Variants in RGL1 observed in about 807,000 individuals in gnomAD.
The protein encoded by RGL1 is ral guanine nucleotide dissociation stimulator like 1.
A neutral mutation model predicts 95.2 loss-of-function variants in RGL1; 24 were observed. That is an observed-to-expected ratio of 0.25 (90% confidence interval 0.18 to 0.35). The LOEUF (loss-of-function observed/expected upper bound fraction) is 0.35. RGL1 is among the 10% of genes least tolerant of loss of function. The pLI, the probability that RGL1 is intolerant of heterozygous loss-of-function variation, is 1.00. For missense variants in RGL1, 715 were observed against 936.3 expected, an observed-to-expected ratio of 0.76 and a Z score of 3.08; for synonymous variants, 329 against 344.9, an observed-to-expected ratio of 0.95 and a Z score of 0.51.
intron 1 of RGL1, among the ~76,000 whole-genome samples, chr1:183,685,276 T>C (rs1022401966): frequency 2.0e-5 from 3 of 152,200 alleles, no homozygotes; most frequent in Non-Finnish European, 4.4e-5. Flanking sequence ...GCAGCCTGGT[T>C]ATGAATAGGA....
intron 2 of RGL1, among the ~76,000 whole-genome samples, chr1:183,820,467 G>T (rs1339538789): frequency 6.6e-6 from 1 of 152,122 alleles, no homozygotes; most frequent in Non-Finnish European, 1.5e-5. Flanking sequence ...TGTGGGGCTT[G>T]CATGAGGACC....
chr1:183,853,631 C>T (rs866842380), intron 3 of RGL1, among the ~76,000 whole-genome samples: 49 of 152,280 alleles, frequency 3.2e-4, no homozygotes, highest in African/African-American at 1.1e-3. Flanking sequence ...CCCATGTTTG[C>T]TTGCCATGTG....
chr1:183,842,665 G>A (rs772989954), intron 2 of RGL1, among the ~76,000 whole-genome samples: 4 of 152,136 alleles, frequency 2.6e-5, no homozygotes, highest in Non-Finnish European at 4.4e-5. Flanking sequence ...GTAAAGCGAC[G>A]GTCTATGATT....
chr1:183,656,912 A>T (rs1242753845), intron 1 of RGL1, among the ~76,000 whole-genome samples: 1 of 151,654 alleles, frequency 6.6e-6, no homozygotes, highest in Non-Finnish European at 1.5e-5. Context: ...TCTAATTATT[A>T]TGCTCTAGCC....
chr1:183,820,410 C>G lies in RGL1; in HGVS notation c.138+13925C>G, dbSNP rs538482711. Among the ~76,000 whole-genome samples the G allele has an allele frequency of 7.8e-4, 118 of 152,250 alleles. 2 individuals are homozygous for G. The highest frequency in any genetic ancestry group is 3.4e-3 in the Middle Eastern group (1 of 294). Reference sequence around the variant, plus strand: ...TGCTTATTTATTGGTTAATGAGCCTCATTTCTGTTTTTTACCCCCACGAAA... The same window carrying G: ...TGCTTATTTATTGGTTAATGAGCCTGATTTCTGTTTTTTACCCCCACGAAA... On this transcript the variant is annotated intron_variant, in intron 2 of 17. Coordinates refer to ENST00000360851, the MANE Select transcript of RGL1 (RefSeq NM_001297671.3).
chr1:183,886,924 G>A (rs1213902682), intron 7 of RGL1, among the ~76,000 whole-genome samples: 1 of 151,918 alleles, frequency 6.6e-6, no homozygotes, highest in African/African-American at 2.4e-5. Context: ...TTCTAGAAAT[G>A]GGACCAGATG....
At chr1:183,691,793 A>C (rs1442794620) in intron 1 of RGL1, among the ~76,000 whole-genome samples, 1 of 152,150 alleles carries the variant, frequency 6.6e-6, no homozygotes, top group Non-Finnish European at 1.5e-5. Context: ...TTTTTGATTT[A>C]TAAACCTGAA....
intron 13 of RGL1, among the ~76,000 whole-genome samples, chr1:183,906,790 C>T (rs1326064672): frequency 1.3e-5 from 1 of 75,026 alleles, no homozygotes; most frequent in Non-Finnish European, 2.9e-5. Flanking sequence ...AGCCTCAATC[C>T]ATATGCCAGT....
rs550247480 is a variant in RGL1, at chr1:183,855,552, G to A, written c.347+7778G>A. Among the ~76,000 whole-genome samples, 135 of 152,294 alleles carry A rather than the reference G, an allele frequency of 8.9e-4. 1 individual carries two copies. The highest frequency in any genetic ancestry group is 3.1e-3 in the African/African-American group (129 of 41,570). On this transcript the variant is annotated intron_variant, in intron 3 of 17. Coordinates refer to ENST00000360851, the MANE Select transcript of RGL1 (RefSeq NM_001297671.3). ...GTACTTCCTTTTCTTTCAGTAAGAG[G>A]CAAGGTTTCTAATATCTTTCCTCTC...
At chr1:183,644,582 C>A (rs763669697) in intron 1 of RGL1, among the ~76,000 whole-genome samples, 1 of 152,100 alleles carries the variant, frequency 6.6e-6, no homozygotes, top group Admixed American at 6.5e-5. Context: ...GTAGCCACCA[C>A]GCCTGGCCGA....
At chr1:183,758,337 C>T (rs151158784) in intron 2 of RGL1, among the ~76,000 whole-genome samples, 1,879 of 152,134 alleles carry the variant, frequency 0.012, 48 homozygotes, top group African/African-American at 0.044. Context: ...GCTGGGACTA[C>T]GGGCGCCTGC....
chr1:183,898,875 C>T (rs1227934697), intron 10 of RGL1, among the ~76,000 whole-genome samples: 4 of 152,180 alleles, frequency 2.6e-5, no homozygotes, highest in Non-Finnish European at 5.9e-5. Context: ...TCATGTCAAG[C>T]AGCCTGGCTT....
intron 2 of RGL1, among the ~76,000 whole-genome samples, chr1:183,763,011 C>T (rs1658780415): frequency 6.6e-6 from 1 of 152,120 alleles, no homozygotes; most frequent in African/African-American, 2.4e-5. Flanking sequence ...CAATGATAGA[C>T]TGGATAAAGA....
intron 4 of RGL1, among the ~76,000 whole-genome samples, chr1:183,873,331 G>A (rs1486626170): frequency 1.3e-5 from 2 of 152,212 alleles, no homozygotes; most frequent in Non-Finnish European, 2.9e-5. Context: ...GCTACAATTT[G>A]TGGTATGCTT....
At chr1:183,667,880 G>A (rs958249666) in intron 1 of RGL1, among the ~76,000 whole-genome samples, 9 of 152,110 alleles carry the variant, frequency 5.9e-5, no homozygotes, top group African/African-American at 2.2e-4. Flanking sequence ...ACTAATCTAA[G>A]TACACTTTCA....
chr1:183,851,498 G>A (rs932172111), intron 3 of RGL1, among the ~76,000 whole-genome samples: 8 of 152,010 alleles, frequency 5.3e-5, no homozygotes, highest in African/African-American at 1.7e-4. Context: ...ATTACATATG[G>A]CTTCAAATTA....
intron 1 of RGL1, among the ~76,000 whole-genome samples, chr1:183,709,105 A>G (rs1572310073): frequency 6.6e-6 from 1 of 152,280 alleles, no homozygotes; most frequent in Non-Finnish European, 1.5e-5. Flanking sequence ...TGTAACTGCT[A>G]CAGGGTACCC....
intron 2 of RGL1, among the ~76,000 whole-genome samples, chr1:183,761,101 A>G (rs1424071853): frequency 2.0e-5 from 3 of 152,068 alleles, no homozygotes; most frequent in Non-Finnish European, 4.4e-5. Flanking sequence ...CCTCTTTTAA[A>G]CTTCTGTTAA....
At chr1:183,806,521 T>A in intron 2 of RGL1, 36 bp downstream of exon 2, 1 of 1,402,644 alleles carries the variant, frequency 7.1e-7, no homozygotes, top group Non-Finnish European at 1.0e-6. Context: ...ACTTTGGAAT[T>A]TCAGTGTCTG....
Sources: gnomAD v4.1 joint callset for allele counts (sites outside exome capture counted in the v4.1 genomes callset) on GRCh38, gnomAD v4.1.1 for gene constraint, MANE v1.5 for transcripts, NCBI Gene and HGNC (gene_info 2026-07-23, HGNC 2026-07-21) for gene names.